The following MALRD1 variants were observed in gnomAD, a reference collection of about 807,000 sequenced individuals.
MALRD1 encodes MAM and LDL-receptor class A domain-containing protein 1.
In MALRD1, 247 loss-of-function variants were observed where a neutral mutation model predicts 242.1. The ratio of observed to expected loss-of-function variants is 1.02; its 90% confidence interval spans 0.92 to 1.13. MALRD1 has a LOEUF of 1.13. MALRD1 is among the 50% of genes most tolerant of loss of function. The pLI is 0.00. For synonymous variants in MALRD1, 995 were observed against 866.6 expected (o/e 1.15, Z -2.60); for missense variants, 2,989 against 2,533.1 (o/e 1.18, Z -3.86).
intron 6 of MALRD1, 88 bp from the exon 7 acceptor site, chr10:19,124,436 A>C: frequency 9.0e-7 from 1 of 1,116,012 alleles, no homozygotes; most frequent in Non-Finnish European, 1.1e-6. Context: ...TGTGTATATA[A>C]GCTTTTTGGT....
rs1021608868 is a variant in MALRD1, at chr10:19,180,093, A to T, written c.1951+4765A>T. ...AGGCAAGAGGAAAGGCAAGAGAAGC[A>T]TCCCATTTTATTGATTACCTATACC... is the stretch of plus-strand genomic sequence containing the variant. On this transcript the variant is annotated intron_variant, in intron 14 of 39. Transcript: ENST00000454679. Among the ~76,000 whole-genome samples, 3 of 152,344 alleles carry T rather than the reference A, an allele frequency of 2.0e-5. No individual in the cohort carries two copies. The East Asian group carries it at 5.8e-4, about 29-fold the overall frequency.
chr10:19,211,525 T>G (rs919672689), intron 18 of MALRD1, among the ~76,000 whole-genome samples: 21 of 151,310 alleles, frequency 1.4e-4, no homozygotes, highest in African/African-American at 4.6e-4. Flanking sequence ...AAACCTCATC[T>G]CTACTAAAAA....
At chr10:19,722,663 A>C (rs1047816574) in intron 38 of MALRD1, 1 of 146,254 alleles carries the variant, frequency 6.8e-6, no homozygotes, top group Admixed American at 7.0e-5. Flanking sequence ...TAATTTTGAC[A>C]CCTCCTTATT....
At chr10:19,228,590 A>G (rs969890742) in intron 18 of MALRD1, among the ~76,000 whole-genome samples, 13 of 152,182 alleles carry the variant, frequency 8.5e-5, no homozygotes, top group Admixed American at 5.9e-4. Flanking sequence ...ATCTGTGAAC[A>G]TTAGTTGCAG....
intron 9 of MALRD1, among the ~76,000 whole-genome samples, chr10:19,136,229 A>AGTT (rs1564415233): frequency 1.3e-5 from 2 of 152,214 alleles, no homozygotes; most frequent in Non-Finnish European, 2.9e-5. Flanking sequence ...ATGATGACCA[A>AGTT]GTAACAAGTT....
At position 19,550,228 on chromosome 10, in the gene MALRD1, C is replaced by A. The variant is rs568896253; in HGVS notation, c.5479-17274C>A. 6.1e-4 allele frequency among the ~76,000 whole-genome samples: 92 copies of A among 152,026 alleles called. No individual in the cohort carries two copies. In the Middle Eastern group the frequency reaches 0.01, roughly 17 times the overall value. On this transcript the variant is annotated intron_variant, in intron 32 of 39. Coordinates refer to ENST00000454679, the MANE Select transcript of MALRD1 (RefSeq NM_001142308.3). ...ATTTGTTTTTTATAATTACCCGCTCCCCTACTTGCCTATGATACATTCTTT... is the reference window on the plus strand; with the variant it reads ...ATTTGTTTTTTATAATTACCCGCTCACCTACTTGCCTATGATACATTCTTT...
chr10:19,303,705 C>T (rs552957497), intron 21 of MALRD1, among the ~76,000 whole-genome samples: 74 of 151,606 alleles, frequency 4.9e-4, no homozygotes, highest in African/African-American at 1.6e-3. Context: ...ATCTTTTCAA[C>T]GTGTAATCAA....
chr10:19,611,058 T>C (rs1329338988), intron 35 of MALRD1, among the ~76,000 whole-genome samples: 1 of 151,942 alleles, frequency 6.6e-6, no homozygotes, highest in Non-Finnish European at 1.5e-5. Context: ...CTCCCCCCAG[T>C]ATAGAAAGAT....
intron 29 of MALRD1, among the ~76,000 whole-genome samples, chr10:19,467,547 G>A (rs1324258908): frequency 6.6e-6 from 1 of 151,710 alleles, no homozygotes; most frequent in Non-Finnish European, 1.5e-5. Flanking sequence ...AGATACCAGG[G>A]GTTGGCTGGG....
At chr10:19,323,631 G>A (rs1032878942) in intron 21 of MALRD1, among the ~76,000 whole-genome samples, 2 of 152,032 alleles carry the variant, frequency 1.3e-5, no homozygotes, top group Non-Finnish European at 2.9e-5. Flanking sequence ...TTTTTGAGAC[G>A]GAGTTTCGCT....
intron 28 of MALRD1, among the ~76,000 whole-genome samples, chr10:19,406,380 G>A (rs1016282496): frequency 4.6e-5 from 7 of 152,072 alleles, no homozygotes; most frequent in African/African-American, 1.7e-4. Context: ...CCATTTAAAT[G>A]CCCTTTCACT....
chr10:19,494,672 A>G (rs1837635732), intron 30 of MALRD1, among the ~76,000 whole-genome samples: 1 of 152,222 alleles, frequency 6.6e-6, no homozygotes, highest in Non-Finnish European at 1.5e-5. Context: ...AAATTCAGGA[A>G]AGAATCAAGA....
At chr10:19,517,297 G>A (rs1240818777) in intron 31 of MALRD1, among the ~76,000 whole-genome samples, 1 of 152,134 alleles carries the variant, frequency 6.6e-6, no homozygotes, top group African/African-American at 2.4e-5. Flanking sequence ...CAATGTGAGT[G>A]CATTCATCAG....
intron 36 of MALRD1, among the ~76,000 whole-genome samples, chr10:19,631,509 C>G (rs1051166198): frequency 6.6e-6 from 1 of 152,084 alleles, no homozygotes; most frequent in Non-Finnish European, 1.5e-5. Context: ...GGTACATATC[C>G]AGTAATGGGA....
intron 11 of MALRD1, among the ~76,000 whole-genome samples, chr10:19,148,715 T>C (rs960329900): frequency 4.0e-5 from 6 of 149,380 alleles, no homozygotes; most frequent in Non-Finnish European, 8.9e-5. Context: ...GGGCAGCTGG[T>C]CTCACCCAGA....
At chr10:19,063,090 G>C (rs750307671) in intron 1 of MALRD1, among the ~76,000 whole-genome samples, 3 of 151,808 alleles carry the variant, frequency 2.0e-5, no homozygotes. Context: ...AGACCACAAT[G>C]AGCCATGATT....
intron 28 of MALRD1, among the ~76,000 whole-genome samples, chr10:19,412,167 T>G (rs553997952): frequency 6.6e-6 from 1 of 152,272 alleles, no homozygotes; most frequent in African/African-American, 2.4e-5. Flanking sequence ...GGCATGGGCC[T>G]GTAATCCCAG....
At chr10:19,056,826 A>G (rs1398616273) in intron 1 of MALRD1, among the ~76,000 whole-genome samples, 1 of 152,166 alleles carries the variant, frequency 6.6e-6, no homozygotes, top group African/African-American at 2.4e-5. Context: ...CCTGTTGGTC[A>G]TATGGCTTTT....
intron 10 of MALRD1, 24 bp downstream of exon 10, chr10:19,136,805 G>C (rs1473899552): frequency 8.2e-7 from 1 of 1,213,206 alleles, no homozygotes; most frequent in Non-Finnish European, 1.0e-6. Flanking sequence ...TGGCTTACTA[G>C]TTTACATGCT....
Sources: gnomAD v4.1 joint callset for allele counts (sites outside exome capture counted in the v4.1 genomes callset) on GRCh38, gnomAD v4.1.1 for gene constraint, MANE v1.5 for transcripts, NCBI Gene and HGNC (gene_info 2026-07-23, HGNC 2026-07-21) for gene names.